The following ACTR3C variants were observed in gnomAD, a reference collection of about 807,000 sequenced individuals.
The protein encoded by ACTR3C is actin-related protein 3C.
Under a neutral mutation model 26.3 loss-of-function variants are expected in ACTR3C, and 18 were observed. That is an observed-to-expected ratio of 0.68 (90% CI 0.47 to 1.01). The LOEUF (loss-of-function observed/expected upper bound fraction) is 1.01. Ranked by LOEUF, ACTR3C falls within the 50% of genes least tolerant of loss-of-function variation. The pLI, the probability that ACTR3C is intolerant of heterozygous loss-of-function variation, is 0.00. For missense variants in ACTR3C, 184 were observed against 250.7 expected, an observed-to-expected ratio of 0.73 and a Z score of 1.80; for synonymous variants, 55 against 94.5, an observed-to-expected ratio of 0.58 and a Z score of 2.42.
the ACTR3C span, among the ~76,000 whole-genome samples, chr7:149,900,290 C>T: frequency 6.6e-6 from 1 of 152,082 alleles, no homozygotes; most frequent in East Asian, 1.9e-4. Flanking sequence ...ATTCTCCTGC[C>T]TCAGCCTCCC....
the ACTR3C span, among the ~76,000 whole-genome samples, chr7:150,189,259 T>A: frequency 6.6e-6 from 1 of 152,138 alleles, no homozygotes; most frequent in African/African-American, 2.4e-5. Flanking sequence ...GGGCTTATAG[T>A]ATCAAGTCAA....
intron 6 of ACTR3C, among the ~76,000 whole-genome samples, chr7:150,265,643 G>A (rs763732686): frequency 6.6e-5 from 10 of 152,142 alleles, no homozygotes; most frequent in South Asian, 4.1e-4. Flanking sequence ...GCAGTGAGCC[G>A]AGATGGCACC....
At chr7:150,177,687 G>A in the ACTR3C span, among the ~76,000 whole-genome samples, 4 of 150,756 alleles carry the variant, frequency 2.7e-5, no homozygotes, top group Non-Finnish European at 4.4e-5. Flanking sequence ...GCATCCAGCT[G>A]TGCCTGTACA....
the ACTR3C span, among the ~76,000 whole-genome samples, chr7:150,009,544 C>T: frequency 5.3e-5 from 8 of 152,184 alleles, no homozygotes; most frequent in Non-Finnish European, 1.0e-4. Context: ...TAATAAATAC[C>T]TGTGAGTTTC....
chr7:150,267,014 A>C (rs1429631442), intron 6 of ACTR3C, among the ~76,000 whole-genome samples: 4 of 152,368 alleles, frequency 2.6e-5, no homozygotes, highest in Non-Finnish European at 5.9e-5. Context: ...AAACATATTC[A>C]GCAGACACTG....
the ACTR3C span, among the ~76,000 whole-genome samples, chr7:150,216,302 T>C: frequency 1.0e-3 from 158 of 152,334 alleles, no homozygotes; most frequent in African/African-American, 3.5e-3. Context: ...AACTGTTGCA[T>C]GGGGATTTTC....
chr7:150,119,746 T>C, the ACTR3C span, among the ~76,000 whole-genome samples: 1 of 152,238 alleles, frequency 6.6e-6, no homozygotes, highest in Admixed American at 6.5e-5. Flanking sequence ...AATAGGCATC[T>C]ACAGAACTCT....
At chr7:150,081,152 TAAGAA>T in the ACTR3C span, among the ~76,000 whole-genome samples, 1 of 145,232 alleles carries the variant, frequency 6.9e-6, no homozygotes, top group Non-Finnish European at 1.5e-5. Context: ...TGTTGAAAAC[TAAGAA>T]AAGAAAGAAA....
At chr7:149,906,544 G>T in the ACTR3C span, among the ~76,000 whole-genome samples, 1 of 145,558 alleles carries the variant, frequency 6.9e-6, no homozygotes, top group East Asian at 2.1e-4. Flanking sequence ...TGAGTCTCCT[G>T]CCTCAGCCTC....
At chr7:150,304,078 T>A (rs1795630123) in intron 1 of ACTR3C, among the ~76,000 whole-genome samples, 1 of 152,132 alleles carries the variant, frequency 6.6e-6, no homozygotes, top group Non-Finnish European at 1.5e-5. Context: ...AAAATACAAA[T>A]CCTCAAGGAA....
At chr7:149,954,649 C>T in the ACTR3C span, among the ~76,000 whole-genome samples, 1 of 152,132 alleles carries the variant, frequency 6.6e-6, no homozygotes, top group Non-Finnish European at 1.5e-5. Flanking sequence ...AATATTTGCC[C>T]ACTTATATTC....
chr7:149,972,974 G>A, the ACTR3C span, among the ~76,000 whole-genome samples: 1 of 150,878 alleles, frequency 6.6e-6, no homozygotes, highest in Non-Finnish European at 1.5e-5. Context: ...TGGCACGCCT[G>A]TCCCAGGTAA....
chr7:150,167,241 T>C, the ACTR3C span, among the ~76,000 whole-genome samples: 2 of 150,746 alleles, frequency 1.3e-5, no homozygotes, highest in African/African-American at 5.0e-5. Context: ...CATACTGTTG[T>C]TCACTGTGGC....
chr7:150,199,469 G>A, the ACTR3C span, among the ~76,000 whole-genome samples: 4 of 99,952 alleles, frequency 4.0e-5, no homozygotes, highest in Non-Finnish European at 5.9e-5. Flanking sequence ...CAAACACTGC[G>A]GAAGGCCGCA....
the ACTR3C span, among the ~76,000 whole-genome samples, chr7:150,234,461 A>C: frequency 6.6e-6 from 1 of 151,804 alleles, no homozygotes; most frequent in Admixed American, 6.6e-5. Flanking sequence ...CATTTTCTCA[A>C]CTCTTTACTG....
the ACTR3C span, among the ~76,000 whole-genome samples, chr7:150,034,032 A>AG: frequency 2.8e-4 from 43 of 150,934 alleles, no homozygotes; most frequent in Non-Finnish European, 5.8e-4. Flanking sequence ...CCCAAGAGCC[A>AG]GGGGGGGAAG....
At chr7:150,039,450 G>A in the ACTR3C span, among the ~76,000 whole-genome samples, 2 of 67,954 alleles carry the variant, frequency 2.9e-5, no homozygotes, top group African/African-American at 8.9e-5. Flanking sequence ...CCCCCCCTGC[G>A]ATGGGGGTAC....
At chr7:150,294,262 G>C (rs6968928) in intron 2 of ACTR3C, among the ~76,000 whole-genome samples, 33,345 of 152,102 alleles carry the variant, frequency 0.22, 5,593 homozygotes, top group African/African-American at 0.46. Context: ...TCTTCTAGTG[G>C]GCAGAGGCCA....
At chr7:150,161,444 T>C in the ACTR3C span, among the ~76,000 whole-genome samples, 2 of 151,750 alleles carry the variant, frequency 1.3e-5, no homozygotes, top group Non-Finnish European at 2.9e-5. Context: ...AATTACCACA[T>C]ATGAGTGAGA....
Sources: allele counts gnomAD v4.1 joint callset (sites outside exome capture counted in the v4.1 genomes callset), GRCh38; gene constraint gnomAD v4.1.1; transcripts MANE v1.5; gene names NCBI Gene and HGNC (gene_info 2026-07-23, HGNC 2026-07-21).